Variants in AURKA observed in about 807,000 individuals in gnomAD.
AURKA encodes the protein aurora 2.
Under a neutral mutation model 40.9 loss-of-function variants are expected in AURKA, and 12 were observed. That is an observed-to-expected ratio of 0.29 (90% CI 0.19 to 0.48). AURKA has a LOEUF of 0.48. AURKA is among the 20% of genes least tolerant of loss of function. The pLI, the probability that AURKA is intolerant of heterozygous loss-of-function variation, is 0.99. For missense variants in AURKA, 322 were observed against 462.1 expected (o/e 0.70, Z 2.78); for synonymous variants, 170 against 164.3 (o/e 1.03, Z -0.26).
chr20:56,375,014 C>CTCCA (rs750384276), intron 6 of AURKA, among the ~76,000 whole-genome samples: 6 of 152,260 alleles, frequency 3.9e-5, no homozygotes, highest in Admixed American at 1.3e-4. Context: ...TGCCATTGCA[C>CTCCA]TCCAGCCTGG....
chr20:56,391,602 G>C (rs1987131370), intron 1 of AURKA, among the ~76,000 whole-genome samples: 1 of 152,080 alleles, frequency 6.6e-6, no homozygotes, highest in African/African-American at 2.4e-5. Context: ...ACTGCTCCAA[G>C]GTCTACGGTC....
At chr20:56,385,278 C>T (rs565634492) in intron 3 of AURKA, among the ~76,000 whole-genome samples, 1 of 152,086 alleles carries the variant, frequency 6.6e-6, no homozygotes, top group Non-Finnish European at 1.5e-5. Context: ...AAAGAGATGA[C>T]GTGGATGAAG....
intron 5 of AURKA, 135 bp from the exon 6 acceptor site, chr20:56,381,706 C>T: frequency 1.8e-6 from 2 of 1,096,808 alleles, no homozygotes; most frequent in Non-Finnish European, 2.7e-6. Context: ...ACTTTAGAAT[C>T]TGAAACTATA....
rs747847779 is a variant in AURKA at position 56,375,150 on chromosome 20, G to C, written c.706-1594C>G. Among the ~76,000 whole-genome samples the C allele has an allele frequency of 7.0e-4, 106 of 152,006 alleles. 1 individual carries two copies. The highest frequency in any genetic ancestry group is 1.2e-3 in the Non-Finnish European group (80 of 68,000). Reference sequence around the variant, plus strand: ...TTACTTATTTATTTTTAAGAGACAGGGTCTCACTCTGTCACCCAGCCTGGA... The same window carrying C: ...TTACTTATTTATTTTTAAGAGACAGCGTCTCACTCTGTCACCCAGCCTGGA... On this transcript the variant is annotated intron_variant, in intron 6 of 8. Transcript: ENST00000395915.
In AURKA at chr20:56,373,515, C is replaced by T. The variant is rs1438638050; in HGVS notation, c.747G>A (p.Ser249=). Residue 249 remains serine, a synonymous_variant, in exon 7 of 9, where the codon TCG becomes TCA. Transcript: ENST00000395915. This position sits in a 1 kb window ranked among gnomAD's most constrained non-coding sequence, Gnocchi z 5.0. The stretch of plus-strand genomic sequence containing the variant: ...TAATGTCTCTATGAATAACTCTCTT[C>T]GAATGACAGTAAGACAGGGCATTTG... ...ELANALSYCH[S]KRVIHRDIKP... 8 of 1,614,078 alleles carry T rather than the reference C, an allele frequency of 5.0e-6. No individual in the cohort carries two copies. The highest frequency in any genetic ancestry group is 1.3e-5 in the African/African-American group (1 of 74,932).
At chr20:56,380,397 G>A (rs1274328975) in intron 6 of AURKA, among the ~76,000 whole-genome samples, 2 of 151,154 alleles carry the variant, frequency 1.3e-5, no homozygotes, top group East Asian at 3.9e-4. Context: ...AGTTCCCAGT[G>A]GCCAAAGTTG....
At chr20:56,371,120 C>G (rs959081034) in intron 7 of AURKA, among the ~76,000 whole-genome samples, 2 of 152,052 alleles carry the variant, frequency 1.3e-5, no homozygotes, top group African/African-American at 4.8e-5. Context: ...ATACTTGGTA[C>G]GAGTGATGCT....
chr20:56,390,220 TC>T (rs1986898284), intron 1 of AURKA, among the ~76,000 whole-genome samples: 2 of 151,994 alleles, frequency 1.3e-5, no homozygotes, highest in African/African-American at 4.8e-5. Context: ...TGCAAATAAG[TC>T]CCCTGCCATA....
At chr20:56,375,477 G>T (rs1483253228) in intron 6 of AURKA, among the ~76,000 whole-genome samples, 1 of 151,940 alleles carries the variant, frequency 6.6e-6, no homozygotes, top group East Asian at 1.9e-4. Flanking sequence ...ATAACTGTTT[G>T]AATATTGAAA....
At chr20:56,385,876 T>C (rs1400740100) in intron 3 of AURKA, among the ~76,000 whole-genome samples, 2 of 152,188 alleles carry the variant, frequency 1.3e-5, no homozygotes, top group Non-Finnish European at 2.9e-5. Flanking sequence ...GCAATGCCCA[T>C]GGTGACCTCA....
chr20:56,387,797 TATC>T (rs1986550987), intron 2 of AURKA, among the ~76,000 whole-genome samples: 2 of 152,352 alleles, frequency 1.3e-5, no homozygotes, highest in Admixed American at 6.5e-5. Flanking sequence ...AAATGGCCGT[TATC>T]ATAGGAACTT....
In AURKA at chr20:56,369,659, T is replaced by G. The variant is rs1192463642; in HGVS notation, c.*499A>C. The G allele has an allele frequency of 1.1e-5, 3 of 275,184 alleles. No homozygotes were observed. Among genetic ancestry groups the G allele is most frequent in the Non-Finnish European group, 2.1e-5 (3 of 141,760 alleles). The allele number at this position is 275,184 out of a possible 1,614,324, so 17.0% of individuals were successfully genotyped here. On this transcript the variant is annotated 3_prime_UTR_variant, in exon 9 of 9. Transcript: ENST00000395915. ...TAAAGGAATGCCACCAGAGAAAAAA[T>G]ACAAGTCTGTACATATATCTTTATT...
intron 7 of AURKA, among the ~76,000 whole-genome samples, chr20:56,371,517 C>G (rs1984225196): frequency 6.7e-6 from 1 of 149,450 alleles, no homozygotes; most frequent in Non-Finnish European, 1.5e-5. Flanking sequence ...GACCTACATT[C>G]CAGTTTTCAG....
At chr20:56,381,140 T>C (rs745732021) in intron 6 of AURKA, among the ~76,000 whole-genome samples, 3 of 152,056 alleles carry the variant, frequency 2.0e-5, no homozygotes, top group Non-Finnish European at 4.4e-5. Flanking sequence ...TATTCTAAAA[T>C]AAAACATCTA....
At chr20:56,376,042 G>A (rs1421617480) in intron 6 of AURKA, among the ~76,000 whole-genome samples, 1 of 152,216 alleles carries the variant, frequency 6.6e-6, no homozygotes, top group Non-Finnish European at 1.5e-5. Flanking sequence ...CATCTAGATT[G>A]AAGCCTTGGG....
intron 6 of AURKA, among the ~76,000 whole-genome samples, chr20:56,379,374 G>A (rs755091059): frequency 2.0e-5 from 3 of 152,206 alleles, no homozygotes. Context: ...AGAATGAAAC[G>A]TGGTAATGGA....
chr20:56,389,758 C>G (rs1206008591), intron 1 of AURKA, among the ~76,000 whole-genome samples: 8 of 152,200 alleles, frequency 5.3e-5, no homozygotes, highest in African/African-American at 1.9e-4. Context: ...GCATGGCAAA[C>G]CCATCCTGTC....
intron 1 of AURKA, among the ~76,000 whole-genome samples, chr20:56,391,624 G>A (rs1019066211): frequency 1.3e-5 from 2 of 152,074 alleles, no homozygotes; most frequent in African/African-American, 4.8e-5. Context: ...GAGAAGTACG[G>A]ACCGGGAAGG....
At chr20:56,385,312 A>T (rs1227186719) in intron 3 of AURKA, among the ~76,000 whole-genome samples, 1 of 152,204 alleles carries the variant, frequency 6.6e-6, no homozygotes, top group Non-Finnish European at 1.5e-5. Context: ...CAGAGCCTGC[A>T]GGGAATGAGC....
Sources: gnomAD v4.1 joint callset for allele counts (sites outside exome capture counted in the v4.1 genomes callset) on GRCh38, gnomAD v4.1.1 for gene constraint, Gnocchi (gnomAD v3.1) non-coding constraint, MANE v1.5 for transcripts, NCBI Gene and HGNC (gene_info 2026-07-23, HGNC 2026-07-21) for gene names.